XPNPEP1: variants seen among roughly 807,000 people sequenced by gnomAD.
XPNPEP1 encodes the protein X-prolyl aminopeptidase 1, also known as xaa-Pro aminopeptidase 1.
Under a neutral mutation model 92.4 loss-of-function variants are expected in XPNPEP1, and 39 were observed. The ratio of observed to expected loss-of-function variants is 0.42; its 90% confidence interval spans 0.33 to 0.55. The LOEUF (loss-of-function observed/expected upper bound fraction) is 0.55. Ranked by LOEUF, XPNPEP1 falls within the 20% of genes least tolerant of loss-of-function variation. XPNPEP1 has a pLI of 0.08. For synonymous variants in XPNPEP1, 307 were observed against 299.4 expected (o/e 1.03, Z -0.26); for missense variants, 654 against 856.1 (o/e 0.76, Z 2.95).
intron 3 of XPNPEP1, among the ~76,000 whole-genome samples, chr10:109,896,764 A>C (rs950856601): frequency 6.6e-6 from 1 of 151,962 alleles, no homozygotes. Context: ...TTTTCCCTAC[A>C]TCCAGTTAAA....
At position 109,865,276 on chromosome 10, in the gene XPNPEP1, C is replaced by A; in HGVS notation, c.1909G>T (p.Asp637Tyr). Residue 637 changes from aspartate (D) to tyrosine (Y), a missense_variant, in exon 21 of 21, where the codon GAT (aspartate) becomes TAT (tyrosine). Physicochemically the swap from Asp to Tyr is radical, Grantham distance 160. Coordinates refer to ENST00000502935, the MANE Select transcript of XPNPEP1 (RefSeq NM_020383.4). ...TTCTGCAATTCCTTCCCAATCACAT[C>A]CCTGCAGGTCAGGTGGTAATTGTTG... ...WLNNYHLTCR[D>Y]VIGKELQKQG... 6.2e-7 allele frequency: 1 copy of A among 1,614,214 alleles called. No individual in the cohort carries two copies. The highest frequency in any genetic ancestry group is 1.1e-5 in the South Asian group (1 of 91,090).
intron 10 of XPNPEP1, 38 bp from the exon 11 acceptor site, chr10:109,880,969 G>A (rs532756925): frequency 2.5e-6 from 4 of 1,587,394 alleles, no homozygotes; most frequent in Non-Finnish European, 3.4e-6. Context: ...AATCAAACCG[G>A]CTCCACCCAC....
At chr10:109,908,446 T>TA (rs1398982170) in intron 2 of XPNPEP1, among the ~76,000 whole-genome samples, 1 of 151,768 alleles carries the variant, frequency 6.6e-6, no homozygotes, top group Non-Finnish European at 1.5e-5. Flanking sequence ...CTACAAAATA[T>TA]AAAAAATCAG....
At chr10:109,876,941 T>G (rs764424696) in intron 14 of XPNPEP1, 4 of 152,248 alleles carry the variant, frequency 2.6e-5, no homozygotes, top group African/African-American at 4.8e-5. Flanking sequence ...CTCGGCCCTG[T>G]GGGTCCATGG....
At chr10:109,917,660 G>C (rs1008582131) in intron 1 of XPNPEP1, among the ~76,000 whole-genome samples, 1 of 152,146 alleles carries the variant, frequency 6.6e-6, no homozygotes, top group African/African-American at 2.4e-5. Context: ...AAGGGACCCA[G>C]AATAGCCAAA....
chr10:109,882,389 AG>A (rs1848149978), intron 10 of XPNPEP1, 42 bp downstream of exon 10: 1 of 1,589,144 alleles, frequency 6.3e-7, no homozygotes, highest in South Asian at 1.1e-5. Flanking sequence ...AGAACTGGGA[AG>A]GGGGTGGCAG....
chr10:109,881,264 C>A (rs1038540063), intron 10 of XPNPEP1, among the ~76,000 whole-genome samples: 1 of 152,232 alleles, frequency 6.6e-6, no homozygotes, highest in Admixed American at 6.5e-5. Flanking sequence ...TTCACTAACA[C>A]TGAAAGCTTG....
intron 14 of XPNPEP1, chr10:109,876,869 C>T (rs1454969654): frequency 6.6e-6 from 1 of 152,302 alleles, no homozygotes; most frequent in African/African-American, 2.4e-5. Context: ...CCCCCCATCT[C>T]CACAGGAAGA....
At chr10:109,904,177 T>C (rs1849432455) in intron 3 of XPNPEP1, among the ~76,000 whole-genome samples, 1 of 150,410 alleles carries the variant, frequency 6.6e-6, no homozygotes, top group Non-Finnish European at 1.5e-5. Flanking sequence ...TCTATTCTAA[T>C]GAACACAAAC....
chr10:109,892,073 G>C (rs1848734129), intron 4 of XPNPEP1, among the ~76,000 whole-genome samples: 1 of 152,152 alleles, frequency 6.6e-6, no homozygotes, highest in African/African-American at 2.4e-5. Context: ...TGCACAAAAA[G>C]GACTCCACTT....
chr10:109,880,871 C>G lies in XPNPEP1; in HGVS notation c.1102G>C (p.Ala368Pro). 1 of 1,614,110 alleles carries G rather than the reference C, an allele frequency of 6.2e-7. No individual in the cohort carries two copies. The highest frequency in any genetic ancestry group is 8.5e-7 in the Non-Finnish European group (1 of 1,180,020). Residue 368 changes from alanine (A) to proline (P), a missense_variant, in exon 11 of 21, where the codon GCT (alanine) becomes CCT (proline). Physicochemically the swap from Ala to Pro is conservative, Grantham distance 27 (BLOSUM62 -1). Coordinates refer to ENST00000502935, the MANE Select transcript of XPNPEP1 (RefSeq NM_020383.4). ...ICIAKAVKNS[A>P]ESEGMRRAHI... ...GCCCGCCTCATGCCTTCTGACTCAG[C>G]TGAATTCTTCACAGCTTTGGCGATG...
chr10:109,871,681 G>A (rs1413744622), intron 17 of XPNPEP1, 111 bp downstream of exon 17: 1 of 1,254,644 alleles, frequency 8.0e-7, no homozygotes, highest in Non-Finnish European at 1.1e-6. Flanking sequence ...GGCCTGAAGT[G>A]GGATGGGGAC....
At chr10:109,900,398 G>T (rs1302977431) in intron 3 of XPNPEP1, among the ~76,000 whole-genome samples, 1 of 152,108 alleles carries the variant, frequency 6.6e-6, no homozygotes, top group Admixed American at 6.6e-5. Flanking sequence ...CTTCCTTCTT[G>T]TTCTCACAAT....
At chr10:109,914,642 C>A (rs1385528286) in intron 2 of XPNPEP1, among the ~76,000 whole-genome samples, 2 of 151,718 alleles carry the variant, frequency 1.3e-5, no homozygotes, top group Non-Finnish European at 1.5e-5. Flanking sequence ...ACTAAAAATA[C>A]AAAATTAGCT....
chr10:109,918,842 AGGAAGGAAGGAAGGAG>A (rs201285337), intron 1 of XPNPEP1, among the ~76,000 whole-genome samples: 2,612 of 43,104 alleles, frequency 0.061, 120 homozygotes, highest in Non-Finnish European at 0.075. Flanking sequence ...GGAGGAAGGA[AGGAAGGAAGGAAGGAG>A]GGAAGGAAGG....
intron 9 of XPNPEP1, 112 bp from the exon 10 acceptor site, chr10:109,882,754 C>G (rs1848177051): frequency 1.8e-6 from 2 of 1,138,542 alleles, no homozygotes; most frequent in Admixed American, 4.3e-5. Context: ...AAAACCAAGC[C>G]CCTTTTCTCT....
At position 109,870,972 on chromosome 10, in the gene XPNPEP1, G is replaced by A. The variant is rs1589543517; in HGVS notation, c.1523-68C>T. ...TTTAGAGATTAAATTTATTATGTGT[G>A]GCTCCAGAACGTGAAACAGAAACCA... On this transcript the variant is annotated intron_variant, in intron 17 of 20. Coordinates refer to ENST00000502935, the MANE Select transcript of XPNPEP1 (RefSeq NM_020383.4). 4.0e-5 allele frequency: 61 copies of A among 1,538,582 alleles called. 1 individual carries two copies. In the East Asian group the frequency reaches 1.4e-3, roughly 35 times the overall value.
intron 5 of XPNPEP1, among the ~76,000 whole-genome samples, chr10:109,889,882 G>C (rs1165279809): frequency 6.6e-6 from 1 of 152,184 alleles, no homozygotes; most frequent in Non-Finnish European, 1.5e-5. Context: ...AAACTGCCTA[G>C]AAGCTGACAT....
chr10:109,909,361 A>G (rs1309358937), intron 2 of XPNPEP1, among the ~76,000 whole-genome samples: 1 of 152,232 alleles, frequency 6.6e-6, no homozygotes, highest in Non-Finnish European at 1.5e-5. Flanking sequence ...CTACCATTCA[A>G]ATAAAACCAG....
Sources: allele counts gnomAD v4.1 joint callset (sites outside exome capture counted in the v4.1 genomes callset), GRCh38; gene constraint gnomAD v4.1.1; transcripts MANE v1.5; gene names NCBI Gene and HGNC (gene_info 2026-07-23, HGNC 2026-07-21).